The following STOX2 variants were observed in gnomAD, a reference collection of about 807,000 sequenced individuals.
STOX2 encodes storkhead box 2.
A neutral mutation model predicts 60.9 loss-of-function variants in STOX2; 28 were observed. The ratio of observed to expected loss-of-function variants is 0.46; its 90% CI spans 0.34 to 0.63. STOX2 has a LOEUF of 0.63. Among genes scored for constraint, STOX2 ranks in the 30% least tolerant of loss-of-function variants. STOX2 has a pLI of 0.01. For synonymous variants in STOX2, 472 were observed against 463.9 expected, an observed-to-expected ratio of 1.02 and a Z score of -0.22; for missense variants, 1,024 against 1,187.7, an observed-to-expected ratio of 0.86 and a Z score of 2.03.
At chr4:184,006,364 G>T (rs1182728539) in intron 2 of STOX2, among the ~76,000 whole-genome samples, 3 of 152,158 alleles carry the variant, frequency 2.0e-5, no homozygotes, top group East Asian at 3.8e-4. Context: ...AACAATGACA[G>T]TGGGCATCAT....
At chr4:183,907,783 G>A (rs973758649) in intron 1 of STOX2, among the ~76,000 whole-genome samples, 2 of 152,226 alleles carry the variant, frequency 1.3e-5, no homozygotes, top group Admixed American at 6.5e-5. Flanking sequence ...AAATGCTGAA[G>A]GAGGAAAAGC....
At chr4:183,802,019 A>G (rs1441408425) in intron 1 of STOX2, among the ~76,000 whole-genome samples, 3 of 152,202 alleles carry the variant, frequency 2.0e-5, no homozygotes, top group Admixed American at 6.5e-5. Flanking sequence ...TACCCGAAGA[A>G]AGACACCATT....
At chr4:183,954,369 AC>A (rs1193981893) in intron 1 of STOX2, among the ~76,000 whole-genome samples, 1 of 151,610 alleles carries the variant, frequency 6.6e-6, no homozygotes, top group Non-Finnish European at 1.5e-5. Flanking sequence ...GCTCGCTGCA[AC>A]CTCCGCTTCC....
At chr4:183,916,752 C>T (rs1741941808) in intron 1 of STOX2, among the ~76,000 whole-genome samples, 1 of 152,218 alleles carries the variant, frequency 6.6e-6, no homozygotes, top group African/African-American at 2.4e-5. Flanking sequence ...GTGACTTGCA[C>T]AGAAGCTACA....
At chr4:183,939,980 T>TGCA (rs1202529062) in intron 1 of STOX2, among the ~76,000 whole-genome samples, 1 of 152,270 alleles carries the variant, frequency 6.6e-6, no homozygotes, top group African/African-American at 2.4e-5. Context: ...CTCAGCTCAC[T>TGCA]GCAGCCTCCG....
intron 1 of STOX2, among the ~76,000 whole-genome samples, chr4:183,989,495 C>A (rs1733006233): frequency 6.6e-6 from 1 of 152,166 alleles, no homozygotes; most frequent in African/African-American, 2.4e-5. Context: ...AGCCACTGTG[C>A]CCGGCCTCGA....
chr4:183,907,705 C>G (rs939380334), intron 1 of STOX2, among the ~76,000 whole-genome samples: 1 of 152,070 alleles, frequency 6.6e-6, no homozygotes, highest in African/African-American at 2.4e-5. Flanking sequence ...GGAGCCAGTT[C>G]TTTTTTTGGA....
At chr4:183,801,116 T>A (rs557275625) in intron 1 of STOX2, among the ~76,000 whole-genome samples, 4 of 152,338 alleles carry the variant, frequency 2.6e-5, no homozygotes, top group African/African-American at 9.6e-5. Flanking sequence ...CAGGTGAGGG[T>A]TGGACAACAA....
At chr4:183,918,118 G>A (rs550387194) in intron 1 of STOX2, among the ~76,000 whole-genome samples, 1 of 152,306 alleles carries the variant, frequency 6.6e-6, no homozygotes, top group East Asian at 1.9e-4. Flanking sequence ...GAGCCAGCGG[G>A]CAACTTGTCT....
chr4:183,930,849 T>C (rs1273865398), intron 1 of STOX2, among the ~76,000 whole-genome samples: 1 of 152,236 alleles, frequency 6.6e-6, no homozygotes, highest in Non-Finnish European at 1.5e-5. Flanking sequence ...TTTTCTTTTT[T>C]TCTTGCATGA....
chr4:184,005,085 G>A (rs960658345), intron 2 of STOX2, among the ~76,000 whole-genome samples: 11 of 152,212 alleles, frequency 7.2e-5, no homozygotes, highest in Non-Finnish European at 1.3e-4. Flanking sequence ...TCATTAAAGC[G>A]TTTCACTTGA....
At position 183,830,319 on chromosome 4, in the gene STOX2, A is replaced by G. The variant is rs141653869; in HGVS notation, c.364+32264A>G. Among the ~76,000 whole-genome samples, 12 of 152,318 alleles carry G rather than the reference A, an allele frequency of 7.9e-5. No homozygotes were observed. The East Asian group carries it at 1.4e-3, about 17-fold the overall frequency. ...CCCCTCATTGGCCAAGTGCAAGCAC[A>G]TGGGGTTTTTACACTCTCAGTCGAC... On this transcript the variant is annotated intron_variant, in intron 1 of 2. Transcript: ENST00000513034.
chr4:183,913,214 G>T (rs1040233611), intron 1 of STOX2, among the ~76,000 whole-genome samples: 1 of 152,192 alleles, frequency 6.6e-6, no homozygotes, highest in Non-Finnish European at 1.5e-5. Context: ...GAAAATGGGT[G>T]TGTGAAATTT....
chr4:184,002,039 T>C (rs1045706319), intron 2 of STOX2, among the ~76,000 whole-genome samples: 1 of 152,188 alleles, frequency 6.6e-6, no homozygotes, highest in Non-Finnish European at 1.5e-5. Context: ...TGGAAGGCAT[T>C]AGGAAGGGTG....
At chr4:183,951,116 T>C (rs1254641658) in intron 1 of STOX2, among the ~76,000 whole-genome samples, 1 of 149,022 alleles carries the variant, frequency 6.7e-6, no homozygotes, top group African/African-American at 2.5e-5. Context: ...CTCGGGAGGC[T>C]GAGGCAGGAG....
intron 1 of STOX2, among the ~76,000 whole-genome samples, chr4:183,939,038 G>A (rs1361322711): frequency 6.6e-6 from 1 of 152,174 alleles, no homozygotes; most frequent in East Asian, 1.9e-4. Flanking sequence ...CGGAATAGAA[G>A]ACTGTTTTCA....
intron 1 of STOX2, among the ~76,000 whole-genome samples, chr4:183,899,980 G>A (rs558430998): frequency 2.2e-4 from 33 of 152,196 alleles, no homozygotes; most frequent in African/African-American, 7.2e-4. Context: ...AGTTGAAGCC[G>A]ATGCTCATTT....
upstream of STOX2, among the ~76,000 whole-genome samples, chr4:183,902,391 ACC>A (rs531657381): frequency 2.9e-3 from 438 of 152,360 alleles, 2 homozygotes; most frequent in African/African-American, 1.0e-2. Flanking sequence ...ATATGAAAAT[ACC>A]AAATATACAC....
chr4:183,832,015 G>C (rs1217037594), intron 1 of STOX2, among the ~76,000 whole-genome samples: 1 of 145,130 alleles, frequency 6.9e-6, no homozygotes, highest in East Asian at 2.0e-4. Context: ...TTGAGACAGA[G>C]TTTCACTCTT....
Sources: allele counts gnomAD v4.1 joint callset (sites outside exome capture counted in the v4.1 genomes callset), GRCh38; gene constraint gnomAD v4.1.1; transcripts MANE v1.5; gene names NCBI Gene and HGNC (gene_info 2026-07-23, HGNC 2026-07-21).